SCAPER: variants seen among roughly 807,000 people sequenced by gnomAD.
SCAPER encodes the protein S phase cyclin A-associated protein in the endoplasmic reticulum.
In SCAPER, 98 loss-of-function variants were observed where a neutral mutation model predicts 182.2. The observed-to-expected ratio is 0.54, with a 90% CI of 0.46 to 0.64. SCAPER has a LOEUF of 0.64. Ranked by LOEUF, SCAPER falls within the 30% of genes least tolerant of loss-of-function variation. The probability of loss-of-function intolerance (pLI) is 0.00; values close to 1 mark genes in which losing one functional copy is unlikely to be tolerated. For missense variants in SCAPER, 1,432 were observed against 1,690.0 expected (o/e 0.85, Z 2.68); for synonymous variants, 605 against 564.6 (o/e 1.07, Z -1.01).
intron 21 of SCAPER, among the ~76,000 whole-genome samples, chr15:76,646,482 TCTC>T (rs1190300661): frequency 1.3e-5 from 2 of 152,114 alleles, no homozygotes; most frequent in African/African-American, 4.8e-5. Flanking sequence ...CTCTCTCTCC[TCTC>T]CTATTTCTAC....
chr15:76,601,489 T>C (rs548736578), intron 22 of SCAPER, among the ~76,000 whole-genome samples: 1 of 122,130 alleles, frequency 8.2e-6, no homozygotes, highest in African/African-American at 2.5e-5. Flanking sequence ...ATGGCATACA[T>C]GTTTGTAGCC....
chr15:76,478,535 T>C (rs2050843008), intron 24 of SCAPER, among the ~76,000 whole-genome samples: 1 of 152,126 alleles, frequency 6.6e-6, no homozygotes, highest in African/African-American at 2.4e-5. Context: ...TTCTAACCAT[T>C]TGTATTTATT....
intron 21 of SCAPER, among the ~76,000 whole-genome samples, chr15:76,639,893 T>C (rs1180162842): frequency 2.0e-5 from 3 of 152,206 alleles, no homozygotes; most frequent in African/African-American, 7.2e-5. Flanking sequence ...TAATTGTTAC[T>C]TGTATACTTG....
At chr15:76,507,670 C>G (rs926455667) in intron 23 of SCAPER, among the ~76,000 whole-genome samples, 1 of 152,140 alleles carries the variant, frequency 6.6e-6, no homozygotes, top group Non-Finnish European at 1.5e-5. Flanking sequence ...AAATGCTTAT[C>G]TTAATCATTC....
intron 2 of SCAPER, among the ~76,000 whole-genome samples, chr15:76,882,269 T>A (rs1348951852): frequency 1.3e-5 from 2 of 151,870 alleles, no homozygotes; most frequent in Non-Finnish European, 1.5e-5. Context: ...CATGCACCTA[T>A]AGTTCCAAGC....
In SCAPER at chr15:76,592,724, G is replaced by A. The variant is rs184586703; in HGVS notation, c.2712-18440C>T. Among the ~76,000 whole-genome samples the A allele has an allele frequency of 3.5e-3, 427 of 122,456 alleles. 50 individuals are homozygous for A. The highest frequency in any genetic ancestry group is 0.01 in the African/African-American group (411 of 40,056). 80.3% of individuals were successfully genotyped at this position (122,456 alleles called of 152,430 possible). On this transcript the variant is annotated intron_variant, in intron 22 of 31. Transcript: ENST00000563290. The stretch of plus-strand genomic sequence containing the variant: ...CACCTGGGACGCGCAAGGGTTTGGG[G>A]AACTCCCTCCCCTAGCCAAGGGAAG...
chr15:76,752,489 T>C (rs773418661), intron 15 of SCAPER, among the ~76,000 whole-genome samples: 5 of 151,756 alleles, frequency 3.3e-5, no homozygotes, highest in African/African-American at 1.2e-4. Flanking sequence ...CAAATGTCCA[T>C]TGAGGTATGA....
At chr15:76,427,804 G>C (rs761267801) in intron 26 of SCAPER, among the ~76,000 whole-genome samples, 2 of 152,000 alleles carry the variant, frequency 1.3e-5, no homozygotes, top group Non-Finnish European at 2.9e-5. Flanking sequence ...GTGGTACCAA[G>C]TGCCTGTAAT....
intron 4 of SCAPER, among the ~76,000 whole-genome samples, chr15:76,857,375 G>A (rs1215522495): frequency 2.0e-5 from 3 of 151,234 alleles, no homozygotes; most frequent in Non-Finnish European, 4.4e-5. Context: ...AGAGGGTTCA[G>A]TGAGCCAAGA....
intron 22 of SCAPER, among the ~76,000 whole-genome samples, chr15:76,583,731 C>T (rs2048433352): frequency 6.6e-6 from 1 of 152,186 alleles, no homozygotes; most frequent in African/African-American, 2.4e-5. Context: ...TATCATCTCA[C>T]TCCAGTTAAA....
At chr15:76,760,432 G>A (rs1247908217) in intron 14 of SCAPER, among the ~76,000 whole-genome samples, 11 of 152,212 alleles carry the variant, frequency 7.2e-5, no homozygotes, top group Non-Finnish European at 1.2e-4. Context: ...GAAGGGACAC[G>A]AAACTTACAT....
At chr15:76,621,663 G>A in intron 22 of SCAPER, 101 bp downstream of exon 22, 1 of 958,118 alleles carries the variant, frequency 1.0e-6, no homozygotes, top group Non-Finnish European at 1.6e-6. Context: ...CTAGAAATTA[G>A]AATCAAAGAA....
chr15:76,803,000 T>A (rs1409168657), intron 6 of SCAPER, among the ~76,000 whole-genome samples: 1 of 152,174 alleles, frequency 6.6e-6, no homozygotes, highest in East Asian at 1.9e-4. Flanking sequence ...GTAGCCATCA[T>A]CTCTAAACTA....
intron 21 of SCAPER, among the ~76,000 whole-genome samples, chr15:76,657,278 C>T (rs1396034748): frequency 6.6e-6 from 1 of 152,048 alleles, no homozygotes; most frequent in African/African-American, 2.4e-5. Flanking sequence ...CACCTCTATG[C>T]ATACAAACTA....
At chr15:76,693,491 A>G (rs2058489876) in intron 20 of SCAPER, among the ~76,000 whole-genome samples, 1 of 152,172 alleles carries the variant, frequency 6.6e-6, no homozygotes, top group Admixed American at 6.5e-5. Context: ...GGTATATACT[A>G]AGAAAACTGA....
At chr15:76,610,307 T>C (rs2145925485) in intron 22 of SCAPER, among the ~76,000 whole-genome samples, 1 of 152,262 alleles carries the variant, frequency 6.6e-6, no homozygotes, top group Admixed American at 6.5e-5. Flanking sequence ...AAACCAAGCA[T>C]GACTATCACA....
intron 23 of SCAPER, among the ~76,000 whole-genome samples, chr15:76,555,835 A>G (rs555883444): frequency 2.1e-3 from 320 of 152,288 alleles, no homozygotes; most frequent in Middle Eastern, 0.01. Context: ...GAGGCAAAGA[A>G]CTAACAAAGA....
At chr15:76,484,639 T>C (rs2051441855) in intron 24 of SCAPER, among the ~76,000 whole-genome samples, 1 of 152,038 alleles carries the variant, frequency 6.6e-6, no homozygotes, top group Admixed American at 6.6e-5. Context: ...ACTCATTCTA[T>C]GAGGCGAGCA....
chr15:76,859,789 T>C (rs1259576276), intron 3 of SCAPER, among the ~76,000 whole-genome samples: 1 of 152,132 alleles, frequency 6.6e-6, no homozygotes, highest in Non-Finnish European at 1.5e-5. Context: ...TGGAGTGCAG[T>C]GGCGCGATCT....
Sources: allele counts gnomAD v4.1 joint callset (sites outside exome capture counted in the v4.1 genomes callset), GRCh38; gene constraint gnomAD v4.1.1; transcripts MANE v1.5; gene names NCBI Gene and HGNC (gene_info 2026-07-23, HGNC 2026-07-21).